The following GPD2 variants were observed in gnomAD, a reference collection of about 807,000 sequenced individuals.
GPD2 encodes glycerol-3-phosphate dehydrogenase 2, also known as glycerol-3-phosphate dehydrogenase, mitochondrial.
A neutral mutation model predicts 82.4 loss-of-function variants in GPD2; 54 were observed. The ratio of observed to expected loss-of-function variants is 0.66; its 90% CI spans 0.53 to 0.82. The LOEUF is 0.82. Among genes scored for constraint, GPD2 ranks in the 40% least tolerant of loss-of-function variants. GPD2 has a pLI of 0.00. For synonymous variants in GPD2, 288 were observed against 306.1 expected, an observed-to-expected ratio of 0.94 and a Z score of 0.62; for missense variants, 748 against 896.2, an observed-to-expected ratio of 0.83 and a Z score of 2.11.
intron 16 of GPD2, 146 bp from the exon 17 acceptor site, chr2:156,582,647 C>A: frequency 2.4e-6 from 2 of 850,728 alleles, no homozygotes; most frequent in South Asian, 1.4e-5. Context: ...AAATTAGACT[C>A]TTCTTATCTG....
chr2:156,470,829 A>G (rs144667873), intron 1 of GPD2, among the ~76,000 whole-genome samples: 481 of 152,324 alleles, frequency 3.2e-3, no homozygotes, highest in South Asian at 7.7e-3. Flanking sequence ...TCAGGTACAA[A>G]CAAAGGTCAG....
chr2:156,582,593 A>G (rs1018502921), intron 16 of GPD2, among the ~76,000 whole-genome samples, 200 bp from the exon 17 acceptor site: 7 of 151,704 alleles, frequency 4.6e-5, no homozygotes, highest in Non-Finnish European at 8.8e-5. Flanking sequence ...TTTTTGTGGC[A>G]GTGTTGAAAT....
chr2:156,474,758 C>T (rs1290418164), intron 1 of GPD2, among the ~76,000 whole-genome samples: 1 of 151,776 alleles, frequency 6.6e-6, no homozygotes, highest in Non-Finnish European at 1.5e-5. Flanking sequence ...ATTATCAGTC[C>T]AGTAGTGGAA....
At chr2:156,534,671 G>A (rs1460311423) in intron 6 of GPD2, among the ~76,000 whole-genome samples, 2 of 152,200 alleles carry the variant, frequency 1.3e-5, no homozygotes, top group Non-Finnish European at 2.9e-5. Context: ...TTCTAAGTAA[G>A]ATAGTATTCT....
chr2:156,537,478 AC>A (rs2105316415), intron 6 of GPD2, among the ~76,000 whole-genome samples: 1 of 152,302 alleles, frequency 6.6e-6, no homozygotes, highest in South Asian at 2.1e-4. Flanking sequence ...TTAGTAATAG[AC>A]GTGGTATGTC....
At chr2:156,442,998 C>T (rs1682231633) in intron 1 of GPD2, among the ~76,000 whole-genome samples, 1 of 152,096 alleles carries the variant, frequency 6.6e-6, no homozygotes, top group African/African-American at 2.4e-5. Context: ...TATTAAGGTG[C>T]TGTCCTTATC....
chr2:156,508,232 C>T (rs1040028778), intron 3 of GPD2, among the ~76,000 whole-genome samples: 1 of 151,970 alleles, frequency 6.6e-6, no homozygotes, highest in African/African-American at 2.4e-5. Context: ...CTCTGTTCCT[C>T]ACCACCTGTT....
intron 9 of GPD2, among the ~76,000 whole-genome samples, chr2:156,557,967 G>T (rs1286013006): frequency 1.3e-5 from 2 of 152,154 alleles, no homozygotes; most frequent in Non-Finnish European, 2.9e-5. Flanking sequence ...GCAAATAAAC[G>T]AGAGGCTGGA....
In GPD2 at chr2:156,557,555, C is replaced by A; in HGVS notation, c.1138C>A (p.Arg380Ser). Reference sequence around the variant, plus strand: ...TATCAACTTCATTTTGAATGAAGTGCGTAATTACCTGAGTTGTGATGTTGA... The same window carrying A: ...TATCAACTTCATTTTGAATGAAGTGAGTAATTACCTGAGTTGTGATGTTGA... Reference protein sequence around the residue: ...EDINFILNEVRNYLSCDVEVR... With the variant: ...EDINFILNEVSNYLSCDVEVR... Residue 380 changes from arginine (R) to serine (S), a missense_variant, in exon 9 of 17, where the codon CGT (arginine) becomes AGT (serine). Physicochemically the swap from Arg to Ser is moderately radical, Grantham distance 110 (BLOSUM62 -1). Transcript: ENST00000438166. 1 of 1,589,948 alleles carries A rather than the reference C, an allele frequency of 6.3e-7. No homozygotes were observed. Among genetic ancestry groups the A allele is most frequent in the Non-Finnish European group, 8.6e-7 (1 of 1,158,054 alleles).
At position 156,557,536 on chromosome 2, in the gene GPD2, C is replaced by T. The variant is rs1334607464; in HGVS notation, c.1119C>T (p.Asn373=). 5 of 1,603,252 alleles carry T rather than the reference C, an allele frequency of 3.1e-6. No individual in the cohort carries two copies. In the African/African-American group the frequency reaches 4.0e-5, roughly 13 times the overall value. The stretch of plus-strand genomic sequence containing the variant: ...CAATTCCTTCAGAAGAAGATATCAA[C>T]TTCATTTTGAATGAAGTGCGTAATT... The part of the protein sequence containing the change: ...HHPIPSEEDI[N]FILNEVRNYL... Residue 373 remains asparagine, a synonymous_variant, in exon 9 of 17, where the codon AAC becomes AAT. Coordinates refer to ENST00000438166, the MANE Select transcript of GPD2 (RefSeq NM_000408.5).
At chr2:156,428,775 G>C in the GPD2 span, among the ~76,000 whole-genome samples, 1 of 152,100 alleles carries the variant, frequency 6.6e-6, no homozygotes, top group Non-Finnish European at 1.5e-5. Flanking sequence ...ACTTTAATTT[G>C]TAACTGAAGG....
intron 1 of GPD2, among the ~76,000 whole-genome samples, chr2:156,444,686 C>T (rs1292469909): frequency 6.6e-6 from 1 of 151,724 alleles, no homozygotes; most frequent in Non-Finnish European, 1.5e-5. Flanking sequence ...GCACTCCAGC[C>T]TGGGCAACGG....
At chr2:156,474,487 G>C (rs1683436339) in intron 1 of GPD2, among the ~76,000 whole-genome samples, 1 of 152,106 alleles carries the variant, frequency 6.6e-6, no homozygotes, top group African/African-American at 2.4e-5. Context: ...TGTCCAGACA[G>C]GCCAGTGCTC....
rs558226530 is a variant in GPD2 at position 156,584,755 on chromosome 2, C to T, written c.*1837C>T. 1.3e-5 allele frequency: 2 copies of T among 152,370 alleles called. No homozygotes were observed. Among genetic ancestry groups the T allele is most frequent in the East Asian group, 3.9e-4 (2 of 5,158 alleles). The allele number at this position is 152,370 out of a possible 1,614,324, so 9.4% of individuals were successfully genotyped here. ...TTTACAACTTAGTGTTTTTTGCTATCCAGATAACAAGTTTCATTGTTTAGA... is the reference window on the plus strand; with the variant it reads ...TTTACAACTTAGTGTTTTTTGCTATTCAGATAACAAGTTTCATTGTTTAGA... On this transcript the variant is annotated 3_prime_UTR_variant, in exon 17 of 17. Transcript: ENST00000438166.
At chr2:156,442,485 A>G (rs1239618674) in intron 1 of GPD2, among the ~76,000 whole-genome samples, 1 of 152,212 alleles carries the variant, frequency 6.6e-6, no homozygotes, top group East Asian at 1.9e-4. Flanking sequence ...TAGGTTCTCA[A>G]AAGTTGTTTT....
chr2:156,578,964 C>T lies in GPD2; in HGVS notation c.1843C>T (p.Arg615Cys), dbSNP rs115948513. The T allele has an allele frequency of 2.1e-4, 330 of 1,609,536 alleles. 1 individual carries two copies. The African/African-American group carries it at 3.9e-3, about 19-fold the overall frequency. ...YKSRSEQLTD[R>C]SEISLLPSDI... ...ATCTCGATCAGAACAGTTAACAGAT[C>T]GCTCTGAAATTAGCCTACTGCCTTC... Residue 615 changes from arginine (R) to cysteine (C), a missense_variant, in exon 14 of 17, where the codon CGC becomes TGC. Arg to Cys is a radical substitution (Grantham distance 180). This residue lies in a region of GPD2 where 692 missense variants were observed against 809.7 expected (regional missense o/e 0.85). Coordinates refer to ENST00000438166, the MANE Select transcript of GPD2 (RefSeq NM_000408.5).
rs1369294395 is a variant in GPD2 at position 156,512,225 on chromosome 2, G to A, written c.405G>A (p.Arg135=). Residue 135 remains arginine, a synonymous_variant, in exon 5 of 17, where the codon AGG becomes AGA. Transcript: ENST00000438166. ...TTCTCTGTTTTGCCTTTCAGTATAG[G>A]ATGGTAAAAGAAGCCCTTCATGAGC... The part of the protein sequence containing the change: ...AIMKLDIEQY[R]MVKEALHERA... The A allele has an allele frequency of 6.5e-7, 1 of 1,542,798 alleles. No individual in the cohort carries two copies. The highest frequency in any genetic ancestry group is 1.7e-5 in the Admixed American group (1 of 59,922).
intron 6 of GPD2, among the ~76,000 whole-genome samples, chr2:156,524,402 A>G (rs1295882411): frequency 1.3e-5 from 2 of 152,126 alleles, no homozygotes; most frequent in African/African-American, 2.4e-5. Context: ...CCTTCTATAT[A>G]GTTATAGTGA....
intron 1 of GPD2, among the ~76,000 whole-genome samples, chr2:156,438,658 C>G (rs1429963172): frequency 1.3e-5 from 2 of 152,140 alleles, no homozygotes; most frequent in Non-Finnish European, 2.9e-5. Flanking sequence ...TTGTCAACAC[C>G]TGGACTCATG....
Sources: allele counts gnomAD v4.1 joint callset (sites outside exome capture counted in the v4.1 genomes callset), GRCh38; gene constraint gnomAD v4.1.1; regional missense constraint gnomAD v4.1.1; transcripts MANE v1.5; gene names NCBI Gene and HGNC (gene_info 2026-07-23, HGNC 2026-07-21).